The following TARS3 variants were observed in gnomAD, a reference collection of about 807,000 sequenced individuals.
TARS3 encodes threonyl-tRNA synthetase 3.
A neutral mutation model predicts 103.5 loss-of-function variants in TARS3; 94 were observed. The observed-to-expected ratio is 0.91, with a 90% CI of 0.77 to 1.08. The LOEUF (loss-of-function observed/expected upper bound fraction) is 1.08, where lower values mean the gene tolerates loss of function less well. Ranked by LOEUF, TARS3 falls within the 50% of genes least tolerant of loss-of-function variation. The pLI, the probability that TARS3 is intolerant of heterozygous loss-of-function variation, is 0.00. For synonymous variants in TARS3, 416 were observed against 355.4 expected, an observed-to-expected ratio of 1.17 and a Z score of -1.92; for missense variants, 952 against 995.2, an observed-to-expected ratio of 0.96 and a Z score of 0.58.
chr15:101,657,756 T>C lies in TARS3; in HGVS notation c.2145+29A>G, dbSNP rs914653224. The C allele has an allele frequency of 4.0e-6, 6 of 1,493,294 alleles. No homozygotes were observed. In the Admixed American group the frequency reaches 9.0e-5, roughly 22 times the overall value. 92.5% of individuals were successfully genotyped at this position (1,493,294 alleles called of 1,614,324 possible). ...CCTACACAGAATACATGCAAGATTA[T>C]TATGTACTTTAAACACCTCTGATTT... On this transcript the variant is annotated intron_variant, in intron 17 of 18. Transcript: ENST00000335968.
intron 12 of TARS3, among the ~76,000 whole-genome samples, chr15:101,681,992 T>C (rs8035297): frequency 0.29 from 43,694 of 152,136 alleles, 7,108 homozygotes; most frequent in East Asian, 0.69. Flanking sequence ...TGTATGTTGA[T>C]ATTCCATACT....
At chr15:101,671,347 G>A in intron 15 of TARS3, 139 bp downstream of exon 15, 1 of 631,442 alleles carries the variant, frequency 1.6e-6, no homozygotes, top group Non-Finnish European at 2.7e-6. Context: ...ACTGGATTAT[G>A]ATCAGGTAAA....
At chr15:101,664,448 A>T (rs1326392040) in intron 15 of TARS3, 1 of 152,232 alleles carries the variant, frequency 6.6e-6, no homozygotes, top group Non-Finnish European at 1.5e-5. Flanking sequence ...AAAAAGTTAG[A>T]GGTCAACTCC....
At chr15:101,676,655 T>C (rs1470367506) in intron 12 of TARS3, among the ~76,000 whole-genome samples, 1 of 151,042 alleles carries the variant, frequency 6.6e-6, no homozygotes, top group African/African-American at 2.5e-5. Flanking sequence ...CTCGCCACCA[T>C]GCTCGGCTAA....
intron 10 of TARS3, among the ~76,000 whole-genome samples, chr15:101,686,370 A>C (rs969950217): frequency 1.3e-5 from 2 of 152,208 alleles, no homozygotes; most frequent in Non-Finnish European, 2.9e-5. Context: ...ACTACTCCAA[A>C]GTCCTTCTAA....
At chr15:101,683,524 T>C (rs1442133488) in intron 12 of TARS3, among the ~76,000 whole-genome samples, 1 of 152,222 alleles carries the variant, frequency 6.6e-6, no homozygotes, top group Non-Finnish European at 1.5e-5. Flanking sequence ...GAGCTTTTTG[T>C]AGTTCATAAG....
At chr15:101,684,961 T>C (rs1330570604) in intron 11 of TARS3, among the ~76,000 whole-genome samples, 1 of 152,196 alleles carries the variant, frequency 6.6e-6, no homozygotes, top group African/African-American at 2.4e-5. Flanking sequence ...AACACAAGTG[T>C]TTTACAATGC....
chr15:101,700,732 C>A (rs1202816048), intron 10 of TARS3, among the ~76,000 whole-genome samples: 2 of 151,820 alleles, frequency 1.3e-5, no homozygotes, highest in Non-Finnish European at 1.5e-5. Context: ...CAAACTCTGC[C>A]TCCCGGGTTC....
chr15:101,658,311 C>CAAAAAAA (rs36121104), intron 16 of TARS3, among the ~76,000 whole-genome samples: 5 of 70,144 alleles, frequency 7.1e-5, no homozygotes, highest in African/African-American at 1.3e-4. Flanking sequence ...ACACCATCAG[C>CAAAAAAA]AAAAAAAAAA....
chr15:101,661,864 A>C (rs867937454), intron 15 of TARS3, 48 bp from the exon 16 acceptor site: 1 of 1,160,750 alleles, frequency 8.6e-7, no homozygotes, highest in Middle Eastern at 2.2e-4. Flanking sequence ...AGATTCAATA[A>C]CTATCTTCTA....
chr15:101,724,413 C>T lies in TARS3; in HGVS notation c.-26G>A, dbSNP rs753236870. 34 of 1,381,720 alleles carry T rather than the reference C, an allele frequency of 2.5e-5. 1 individual carries two copies. In the East Asian group the frequency reaches 6.2e-4, roughly 25 times the overall value. The allele number at this position is 1,381,720 out of a possible 1,614,324, so 85.6% of individuals were successfully genotyped here. ...CGCGGCCTCCCTCAGGCACCGACGCCGAGCGGGGTGCCCGCGACTGCGGCG... is the reference window on the plus strand; with the variant it reads ...CGCGGCCTCCCTCAGGCACCGACGCTGAGCGGGGTGCCCGCGACTGCGGCG... On this transcript the variant is annotated 5_prime_UTR_variant, in exon 1 of 19. Coordinates refer to ENST00000335968, the MANE Select transcript of TARS3 (RefSeq NM_152334.3).
intron 12 of TARS3, among the ~76,000 whole-genome samples, chr15:101,678,726 A>G (rs1389960964): frequency 6.6e-6 from 1 of 152,186 alleles, no homozygotes; most frequent in Non-Finnish European, 1.5e-5. Flanking sequence ...GCAAAAGGAG[A>G]AGGAAAATAT....
intron 15 of TARS3, among the ~76,000 whole-genome samples, chr15:101,669,053 G>T (rs1320767787): frequency 6.6e-6 from 1 of 152,138 alleles, no homozygotes; most frequent in Non-Finnish European, 1.5e-5. Context: ...CCAGAAGAAG[G>T]CACTATTATC....
At chr15:101,716,874 T>TTTTTTTA (rs1900184171) in intron 3 of TARS3, among the ~76,000 whole-genome samples, 1 of 150,974 alleles carries the variant, frequency 6.6e-6, no homozygotes. Context: ...TTTTTTTTTT[T>TTTTTTTA]GAGACAGGGT....
At chr15:101,683,512 CT>C (rs1299950388) in intron 12 of TARS3, among the ~76,000 whole-genome samples, 5 of 152,162 alleles carry the variant, frequency 3.3e-5, no homozygotes, top group Non-Finnish European at 7.3e-5. Flanking sequence ...AACAAATACT[CT>C]GAGCTTTTTG....
chr15:101,711,038 A>C (rs533780145), intron 5 of TARS3, among the ~76,000 whole-genome samples: 1 of 152,252 alleles, frequency 6.6e-6, no homozygotes, highest in African/African-American at 2.4e-5. Flanking sequence ...ATGGAATGTG[A>C]AGCATCTGTG....
chr15:101,688,590 T>C (rs576531349), intron 10 of TARS3, among the ~76,000 whole-genome samples: 1 of 152,274 alleles, frequency 6.6e-6, no homozygotes, highest in East Asian at 1.9e-4. Flanking sequence ...TAATTTCTCA[T>C]TGTAAAAAAT....
chr15:101,663,469 C>A (rs1897460249), intron 15 of TARS3, among the ~76,000 whole-genome samples: 1 of 152,190 alleles, frequency 6.6e-6, no homozygotes, highest in Non-Finnish European at 1.5e-5. Flanking sequence ...GATGTTCACA[C>A]AACAATGATA....
At chr15:101,678,302 T>C (rs900334015) in intron 12 of TARS3, among the ~76,000 whole-genome samples, 2 of 152,340 alleles carry the variant, frequency 1.3e-5, no homozygotes, top group Non-Finnish European at 2.9e-5. Flanking sequence ...TAATCTACTA[T>C]GTCAATCTCT....
Sources: gnomAD v4.1 joint callset for allele counts (sites outside exome capture counted in the v4.1 genomes callset) on GRCh38, gnomAD v4.1.1 for gene constraint, MANE v1.5 for transcripts, NCBI Gene and HGNC (gene_info 2026-07-23, HGNC 2026-07-21) for gene names.